RABGAP1: variants seen among roughly 807,000 people sequenced by gnomAD.
RABGAP1 encodes the protein RAB GTPase activating protein 1, also known as rab GTPase-activating protein 1.
Under a neutral mutation model 137.6 loss-of-function variants are expected in RABGAP1, and 23 were observed. That is an observed-to-expected ratio of 0.17 (90% CI 0.12 to 0.24). RABGAP1 has a LOEUF of 0.24. RABGAP1 is among the 10% of genes least tolerant of loss of function. The pLI is 1.00. For synonymous variants in RABGAP1, 451 were observed against 450.7 expected (o/e 1.00, Z -0.01); for missense variants, 906 against 1,275.8 (o/e 0.71, Z 4.42).
intron 24 of RABGAP1, 128 bp downstream of exon 24, chr9:123,099,677 G>A: frequency 2.7e-6 from 2 of 736,216 alleles, no homozygotes; most frequent in Non-Finnish European, 4.5e-6. Flanking sequence ...ACCTGTCACA[G>A]GTCCTGGCTC....
At chr9:123,088,041 T>C (rs1167607818) in intron 19 of RABGAP1, among the ~76,000 whole-genome samples, 7 of 144,270 alleles carry the variant, frequency 4.9e-5, no homozygotes, top group Non-Finnish European at 1.0e-4. Flanking sequence ...AGTTTCATAT[T>C]CTTTTTTTTT....
chr9:123,021,701 C>T (rs671644), intron 13 of RABGAP1, among the ~76,000 whole-genome samples: 115,001 of 152,124 alleles, frequency 0.76, 45,424 homozygotes, highest in Middle Eastern at 0.89. Context: ...ATGTTCTTTC[C>T]CATCATCCTA....
intron 2 of RABGAP1, among the ~76,000 whole-genome samples, chr9:122,963,002 G>A (rs931753083): frequency 1.3e-5 from 2 of 152,174 alleles, no homozygotes; most frequent in Admixed American, 6.5e-5. Context: ...ATGACATTTT[G>A]TAATGAGAAG....
At chr9:122,956,105 T>G (rs527740935) in intron 1 of RABGAP1, among the ~76,000 whole-genome samples, 31 of 152,316 alleles carry the variant, frequency 2.0e-4, no homozygotes, top group African/African-American at 7.2e-4. Flanking sequence ...ATTTTTGGTA[T>G]GAAACCCTTA....
At position 123,070,621 on chromosome 9, in the gene RABGAP1, T is replaced by C. The variant is rs571675746; in HGVS notation, c.1983+197T>C. Among the ~76,000 whole-genome samples the C allele has an allele frequency of 1.2e-4, 18 of 152,322 alleles. 1 individual carries two copies. Among genetic ancestry groups the C allele is most frequent in the Non-Finnish European group, 7.3e-5 (5 of 68,028 alleles). On this transcript the variant is annotated intron_variant, in intron 15 of 25. Transcript: ENST00000373647. The surrounding 1 kb of genome is among the most constrained non-coding windows in gnomAD (Gnocchi z 4.4). ...GATATATGATGAGAATAAACGGCAATGTTGAAAACTGGTACAGGGGTAGAC... is the reference window on the plus strand; with the variant it reads ...GATATATGATGAGAATAAACGGCAACGTTGAAAACTGGTACAGGGGTAGAC...
intron 21 of RABGAP1, among the ~76,000 whole-genome samples, chr9:123,096,084 C>T (rs952405280): frequency 6.6e-6 from 1 of 152,202 alleles, no homozygotes; most frequent in South Asian, 2.1e-4. Flanking sequence ...GTTGATAGTG[C>T]TCAAGTCTTA....
chr9:123,092,616 A>C (rs750510550), intron 21 of RABGAP1, among the ~76,000 whole-genome samples: 2 of 146,004 alleles, frequency 1.4e-5, no homozygotes, highest in Non-Finnish European at 3.1e-5. Context: ...AGGAGCTATG[A>C]ATCAATGTCA....
intron 3 of RABGAP1, 130 bp downstream of exon 3, chr9:122,984,849 G>A: frequency 1.3e-6 from 1 of 774,054 alleles, no homozygotes; most frequent in Non-Finnish European, 2.0e-6. Context: ...ACATTCTCTA[G>A]AATCTCTGAA....
intron 2 of RABGAP1, among the ~76,000 whole-genome samples, chr9:122,962,857 A>G (rs558584647): frequency 1.3e-5 from 2 of 152,214 alleles, no homozygotes; most frequent in Admixed American, 6.5e-5. Context: ...AGGTTTAGAG[A>G]TACAAATAGA....
At chr9:123,066,384 CACTTT>C (rs149481213) in intron 14 of RABGAP1, among the ~76,000 whole-genome samples, 1 of 152,336 alleles carries the variant, frequency 6.6e-6, no homozygotes, top group Non-Finnish European at 1.5e-5. Context: ...TGCCATCTCT[CACTTT>C]ACTACAGAAT....
At chr9:122,959,783 T>C (rs1834753590) in intron 2 of RABGAP1, among the ~76,000 whole-genome samples, 2 of 152,194 alleles carry the variant, frequency 1.3e-5, no homozygotes, top group Admixed American at 6.5e-5. Flanking sequence ...TTATTTCTCA[T>C]CCTGCTTCCC....
intron 2 of RABGAP1, among the ~76,000 whole-genome samples, chr9:122,984,042 A>G (rs1836235249): frequency 6.6e-6 from 1 of 152,224 alleles, no homozygotes; most frequent in Admixed American, 6.5e-5. Context: ...ACCTGTGGAA[A>G]TGTATTGCCT....
intron 10 of RABGAP1, 74 bp from the exon 11 acceptor site, chr9:123,010,280 A>T: frequency 7.3e-7 from 1 of 1,361,680 alleles, no homozygotes. Flanking sequence ...AATTAAAAAC[A>T]TTAAAAACAC....
intron 2 of RABGAP1, among the ~76,000 whole-genome samples, chr9:122,968,089 TG>T (rs773919357): frequency 0.016 from 2,399 of 152,246 alleles, 32 homozygotes; most frequent in South Asian, 0.066. Context: ...TGCGTTAATG[TG>T]TATATATGCA....
chr9:123,081,850 A>T (rs985142920), intron 19 of RABGAP1, among the ~76,000 whole-genome samples: 2 of 152,256 alleles, frequency 1.3e-5, no homozygotes, highest in Non-Finnish European at 2.9e-5. Context: ...AATAGGGCAC[A>T]TCAAGTGACT....
At chr9:123,083,032 A>AC (rs1284740414) in intron 19 of RABGAP1, among the ~76,000 whole-genome samples, 17 of 152,336 alleles carry the variant, frequency 1.1e-4, no homozygotes, top group Admixed American at 2.0e-4. Flanking sequence ...TCATACAGTG[A>AC]AATAATCCTC....
At chr9:122,989,066 T>A (rs952331698) in intron 4 of RABGAP1, among the ~76,000 whole-genome samples, 2 of 148,730 alleles carry the variant, frequency 1.3e-5, no homozygotes, top group South Asian at 4.2e-4. Context: ...TTTATACCTT[T>A]CTGTTTGCCT....
chr9:122,985,552 G>A (rs1836324248), intron 3 of RABGAP1, among the ~76,000 whole-genome samples: 1 of 145,416 alleles, frequency 6.9e-6, no homozygotes, highest in Admixed American at 7.2e-5. Context: ...GGTGGAGGTT[G>A]CAGTGAGCCG....
intron 13 of RABGAP1, among the ~76,000 whole-genome samples, chr9:123,030,021 A>G (rs1477089123): frequency 6.6e-6 from 1 of 151,972 alleles, no homozygotes; most frequent in Non-Finnish European, 1.5e-5. Flanking sequence ...TAAGCCTGTC[A>G]TTTTGTTATT....
Sources: allele counts gnomAD v4.1 joint callset (sites outside exome capture counted in the v4.1 genomes callset), GRCh38; gene constraint gnomAD v4.1.1; non-coding constraint Gnocchi (gnomAD v3.1); transcripts MANE v1.5; gene names NCBI Gene and HGNC (gene_info 2026-07-23, HGNC 2026-07-21).